SLC17A1: variants seen among roughly 807,000 people sequenced by gnomAD.
SLC17A1 encodes solute carrier family 17 member 1, also known as sodium-dependent phosphate transport protein 1.
Under a neutral mutation model 53.5 loss-of-function variants are expected in SLC17A1, and 51 were observed. The ratio of observed to expected loss-of-function variants is 0.95; its 90% CI spans 0.76 to 1.20. The LOEUF is 1.20. SLC17A1 is among the 50% of genes most tolerant of loss of function. The probability of loss-of-function intolerance (pLI) is 0.00; values close to 1 mark genes in which losing one functional copy is unlikely to be tolerated. For missense variants in SLC17A1, 538 were observed against 568.2 expected (o/e 0.95, Z 0.54); for synonymous variants, 179 against 198.8 (o/e 0.90, Z 0.84).
the SLC17A1 span, among the ~76,000 whole-genome samples, chr6:25,741,009 G>C: frequency 6.6e-6 from 1 of 152,156 alleles, no homozygotes; most frequent in Non-Finnish European, 1.5e-5. Context: ...GGTTACCAGA[G>C]ACTGTGAAAG....
At chr6:25,823,681 T>C (rs140571795) in intron 3 of SLC17A1, among the ~76,000 whole-genome samples, 40 of 152,120 alleles carry the variant, frequency 2.6e-4, no homozygotes, top group African/African-American at 8.9e-4. Context: ...TAATTGAGTG[T>C]TGATAGAAGT....
In SLC17A1 at chr6:25,794,766, CT is replaced by C. The variant is rs747446738; in HGVS notation, c.*2+4016del. ...CGAAGCAACTTCTTCCTGGGTGAGG[CT>C]GGGTAGGAGGCAGGGCATCTGGGAA... On this transcript the variant is annotated intron_variant, in intron 12 of 12. Transcript: ENST00000244527. Among the ~76,000 whole-genome samples the C allele has an allele frequency of 4.4e-4, 67 of 152,134 alleles. 1 individual carries two copies. The highest frequency in any genetic ancestry group is 4.1e-4 in the South Asian group (2 of 4,830).
chr6:25,774,431 G>A, the SLC17A1 span, among the ~76,000 whole-genome samples: 1 of 152,158 alleles, frequency 6.6e-6, no homozygotes, highest in Non-Finnish European at 1.5e-5. Flanking sequence ...GGTTCCTCTG[G>A]TGAAAATGTG....
rs1372670692 is a variant in SLC17A1, at chr6:25,813,121, A to G, written c.709T>C (p.Tyr237His). The stretch of plus-strand genomic sequence containing the variant: ...TGCTGGACCAGGGAGGATGTGATGT[A>G]TTCCTTTTCACTGATGCTTATACAT... ...HPCISISEKE[Y>H]ITSSLVQQVS... Residue 237 changes from tyrosine to histidine, a missense_variant, in exon 7 of 13, where the codon TAC becomes CAC. Coordinates refer to ENST00000244527, the MANE Select transcript of SLC17A1 (RefSeq NM_005074.5). The G allele has an allele frequency of 1.8e-5, 29 of 1,614,146 alleles. No homozygotes were observed. Among genetic ancestry groups the G allele is most frequent in the Non-Finnish European group, 2.5e-5 (29 of 1,179,994 alleles).
the SLC17A1 span, among the ~76,000 whole-genome samples, chr6:25,730,017 A>G: frequency 2.6e-5 from 4 of 152,204 alleles, no homozygotes; most frequent in Non-Finnish European, 5.9e-5. Context: ...ATTTTTTAAA[A>G]TGTGTGATAT....
rs562000968 is a variant in SLC17A1, at chr6:25,802,277, G to C, written c.1179-1297C>G. Among the ~76,000 whole-genome samples the C allele has an allele frequency of 2.6e-4, 40 of 152,168 alleles. 1 individual carries two copies. In the South Asian group the frequency reaches 8.3e-3, roughly 32 times the overall value. On this transcript the variant is annotated intron_variant, in intron 10 of 12. Transcript: ENST00000244527. Reference sequence around the variant, plus strand: ...GTTCCTAAAAATATTGTAGGCCATAGGTACCATATCTTCTGTACAACTGGT... The same window carrying C: ...GTTCCTAAAAATATTGTAGGCCATACGTACCATATCTTCTGTACAACTGGT...
Position 25,826,647 on chromosome 6 carries a change from C to G in SLC17A1, c.35-14G>C. On this transcript the variant is annotated splice_polypyrimidine_tract_variant and intron_variant, in intron 2 of 12. Coordinates refer to ENST00000244527, the MANE Select transcript of SLC17A1 (RefSeq NM_005074.5). ...AGAAACCTGGAACTACAAAGTAAAACAGAAAGTCGCAATTGCTGACAGAGC... is the reference window on the plus strand; with the variant it reads ...AGAAACCTGGAACTACAAAGTAAAAGAGAAAGTCGCAATTGCTGACAGAGC... The G allele has an allele frequency of 6.5e-7, 1 of 1,538,864 alleles. No homozygotes were observed. The highest frequency in any genetic ancestry group is 1.2e-5 in the South Asian group (1 of 80,122).
intron 12 of SLC17A1, among the ~76,000 whole-genome samples, chr6:25,783,999 T>TA (rs1554127844): frequency 6.6e-6 from 1 of 152,024 alleles, no homozygotes; most frequent in East Asian, 1.9e-4. Flanking sequence ...GGTTCTAAAC[T>TA]GGGTGTCAAT....
the SLC17A1 span, among the ~76,000 whole-genome samples, chr6:25,757,562 C>T: frequency 5.3e-5 from 8 of 152,074 alleles, no homozygotes; most frequent in African/African-American, 1.9e-4. Flanking sequence ...CCCCCCAACC[C>T]GCTGCTCCAG....
At chr6:25,726,461 C>T in the SLC17A1 span, 6 of 1,613,834 alleles carry the variant, frequency 3.7e-6, no homozygotes, top group African/African-American at 1.3e-5. Context: ...AACTGCAAAC[C>T]CGCTCTAGAA....
chr6:25,819,036 TAA>T, intron 6 of SLC17A1, 30 bp downstream of exon 6: 1 of 1,439,952 alleles, frequency 6.9e-7, no homozygotes, highest in African/African-American at 1.4e-5. Flanking sequence ...AGATTCTGAA[TAA>T]TAACTAGGAT....
At chr6:25,793,821 A>C (rs527605337) in intron 12 of SLC17A1, among the ~76,000 whole-genome samples, 26 of 152,332 alleles carry the variant, frequency 1.7e-4, no homozygotes, top group African/African-American at 5.5e-4. Context: ...TAGCAGTGGT[A>C]GTACTGAGGA....
At chr6:25,806,701 T>C (rs907801195) in intron 10 of SLC17A1, among the ~76,000 whole-genome samples, 5 of 151,958 alleles carry the variant, frequency 3.3e-5, no homozygotes, top group African/African-American at 1.2e-4. Context: ...ACTAAAAAGA[T>C]CCTGTACAGC....
chr6:25,800,313 C>T (rs1009531339), intron 11 of SLC17A1, among the ~76,000 whole-genome samples: 3 of 151,968 alleles, frequency 2.0e-5, no homozygotes, highest in South Asian at 2.1e-4. Context: ...GGTCATTTAC[C>T]TCTCTGGAAT....
chr6:25,822,417 T>C (rs1297023173), intron 3 of SLC17A1, among the ~76,000 whole-genome samples: 1 of 152,206 alleles, frequency 6.6e-6, no homozygotes, highest in East Asian at 1.9e-4. Context: ...TTAGGTTATT[T>C]TGTAATGTTA....
At chr6:25,827,806 C>G (rs1449244288) in intron 2 of SLC17A1, among the ~76,000 whole-genome samples, 1 of 152,152 alleles carries the variant, frequency 6.6e-6, no homozygotes, top group Non-Finnish European at 1.5e-5. Flanking sequence ...GGCTGGGAAT[C>G]TTGAGAGAAA....
chr6:25,759,647 C>T, the SLC17A1 span, among the ~76,000 whole-genome samples: 13 of 152,170 alleles, frequency 8.5e-5, no homozygotes, highest in South Asian at 2.3e-3. Context: ...AGTGAGACTC[C>T]GTCTCAAAAA....
chr6:25,757,582 G>A, the SLC17A1 span, among the ~76,000 whole-genome samples: 1 of 152,094 alleles, frequency 6.6e-6, no homozygotes, highest in African/African-American at 2.4e-5. Flanking sequence ...GTTTGGGCCT[G>A]GGGAGGGAAG....
the SLC17A1 span, among the ~76,000 whole-genome samples, chr6:25,744,928 C>T: frequency 6.6e-6 from 1 of 152,158 alleles, no homozygotes; most frequent in African/African-American, 2.4e-5. Flanking sequence ...AAACTATTAT[C>T]CAATTCAGCA....
Sources: allele counts gnomAD v4.1 joint callset (sites outside exome capture counted in the v4.1 genomes callset), GRCh38; gene constraint gnomAD v4.1.1; transcripts MANE v1.5; gene names NCBI Gene and HGNC (gene_info 2026-07-23, HGNC 2026-07-21).